The following KLHL1 variants were observed in gnomAD, a reference collection of about 807,000 sequenced individuals.
KLHL1 encodes the protein kelch like family member 1.
In KLHL1, 47 loss-of-function variants were observed where a neutral mutation model predicts 77.7. That is an observed-to-expected ratio of 0.60 (90% confidence interval 0.48 to 0.77). KLHL1 has a LOEUF of 0.77. KLHL1 is among the 30% of genes least tolerant of loss of function. The pLI, the probability that KLHL1 is intolerant of heterozygous loss-of-function variation, is 0.00. For synonymous variants in KLHL1, 360 were observed against 325.2 expected, an observed-to-expected ratio of 1.11 and a Z score of -1.15; for missense variants, 925 against 910.8, an observed-to-expected ratio of 1.02 and a Z score of -0.20.
At chr13:69,736,317 G>T (rs922635196) in intron 8 of KLHL1, among the ~76,000 whole-genome samples, 2 of 152,090 alleles carry the variant, frequency 1.3e-5, no homozygotes, top group Non-Finnish European at 2.9e-5. Flanking sequence ...TCAGGGAAAT[G>T]CAAATCAAAA....
rs77315739 is a variant in KLHL1, at chr13:70,093,857, A to G, written c.497+13346T>C. Among the ~76,000 whole-genome samples the G allele has an allele frequency of 1.2e-4, 19 of 152,284 alleles. No individual in the cohort carries two copies. In the East Asian group the frequency reaches 3.5e-3, roughly 28 times the overall value. Reference sequence around the variant, plus strand: ...AATTAGAACTGCAGTTTTACTGTGAACTGTCTTATTATACACTTTATCAAG... The same window carrying G: ...AATTAGAACTGCAGTTTTACTGTGAGCTGTCTTATTATACACTTTATCAAG... On this transcript the variant is annotated intron_variant, in intron 1 of 10. Coordinates refer to ENST00000377844, the MANE Select transcript of KLHL1 (RefSeq NM_020866.3).
chr13:70,091,286 T>C (rs534538755), intron 1 of KLHL1, among the ~76,000 whole-genome samples: 1 of 152,122 alleles, frequency 6.6e-6, no homozygotes, highest in Non-Finnish European at 1.5e-5. Flanking sequence ...CCCTTTCTTT[T>C]TATCTTTCTT....
intron 5 of KLHL1, among the ~76,000 whole-genome samples, chr13:69,855,349 C>CTAT (rs1566329701): frequency 0.028 from 2,460 of 87,730 alleles, 42 homozygotes; most frequent in Non-Finnish European, 0.032. Context: ...GATAGATAGA[C>CTAT]AGACAGATAG....
chr13:70,049,754 T>C (rs369349006), intron 1 of KLHL1, among the ~76,000 whole-genome samples: 1 of 152,134 alleles, frequency 6.6e-6, no homozygotes, highest in Non-Finnish European at 1.5e-5. Context: ...GAGGCCAAGA[T>C]AAACAATGCG....
chr13:70,017,648 G>A (rs1045706604), intron 1 of KLHL1, among the ~76,000 whole-genome samples: 2 of 152,206 alleles, frequency 1.3e-5, no homozygotes, highest in East Asian at 1.9e-4. Context: ...CAGCAGGTAT[G>A]AGCAATACTC....
intron 1 of KLHL1, among the ~76,000 whole-genome samples, chr13:70,068,117 G>A (rs545732251): frequency 7.9e-5 from 12 of 151,862 alleles, no homozygotes; most frequent in East Asian, 5.8e-4. Context: ...CGAGGCGGGC[G>A]GATCACGAGG....
At chr13:69,796,556 C>A (rs1877114788) in intron 7 of KLHL1, among the ~76,000 whole-genome samples, 182 bp downstream of exon 7, 1 of 152,090 alleles carries the variant, frequency 6.6e-6, no homozygotes, top group East Asian at 1.9e-4. Flanking sequence ...TCACTAAAGG[C>A]CTAATATTCC....
At chr13:69,857,350 T>C (rs1879959376) in intron 5 of KLHL1, among the ~76,000 whole-genome samples, 1 of 152,054 alleles carries the variant, frequency 6.6e-6, no homozygotes, top group Non-Finnish European at 1.5e-5. Flanking sequence ...TGCCTCCTAT[T>C]ATCTACCTAC....
chr13:69,880,563 C>A (rs1316886056), intron 5 of KLHL1, among the ~76,000 whole-genome samples: 1 of 152,012 alleles, frequency 6.6e-6, no homozygotes, highest in Non-Finnish European at 1.5e-5. Context: ...CAAGATAAAG[C>A]ACCTGAACCA....
rs566236948 is a variant in KLHL1 at position 69,955,443 on chromosome 13, C to T, written c.817+5865G>A. Among the ~76,000 whole-genome samples the T allele has an allele frequency of 9.9e-5, 15 of 151,366 alleles. No individual in the cohort carries two copies. In the South Asian group the frequency reaches 2.9e-3, roughly 29 times the overall value. ...GGTCTGCCATTTGGCAGTTTAATTTCCTAACCCTCTTCTTAATATCACTAC... is the reference window on the plus strand; with the variant it reads ...GGTCTGCCATTTGGCAGTTTAATTTTCTAACCCTCTTCTTAATATCACTAC... On this transcript the variant is annotated intron_variant, in intron 3 of 10. Coordinates refer to ENST00000377844, the MANE Select transcript of KLHL1 (RefSeq NM_020866.3).
intron 7 of KLHL1, among the ~76,000 whole-genome samples, chr13:69,787,401 C>A (rs1876612904): frequency 6.6e-6 from 1 of 152,148 alleles, no homozygotes; most frequent in Admixed American, 6.5e-5. Context: ...CAAAAACAAG[C>A]AATGGGGAAA....
chr13:69,879,108 T>C (rs535267023), intron 5 of KLHL1, among the ~76,000 whole-genome samples: 116 of 152,080 alleles, frequency 7.6e-4, no homozygotes, highest in African/African-American at 2.6e-3. Context: ...TCGTAGGAGA[T>C]ACGAGTTGAT....
chr13:69,981,785 C>T (rs1319461583), intron 1 of KLHL1, among the ~76,000 whole-genome samples: 1 of 150,028 alleles, frequency 6.7e-6, no homozygotes, highest in African/African-American at 2.5e-5. Context: ...TCAAAAAGTG[C>T]CCAAAATAAA....
intron 1 of KLHL1, among the ~76,000 whole-genome samples, chr13:69,988,909 T>C (rs1390556134): frequency 1.3e-5 from 2 of 152,122 alleles, no homozygotes; most frequent in Non-Finnish European, 2.9e-5. Context: ...TCCAATTCTG[T>C]AGGTTGTCTG....
At chr13:70,102,572 T>G (rs564215762) in intron 1 of KLHL1, among the ~76,000 whole-genome samples, 6 of 152,304 alleles carry the variant, frequency 3.9e-5, no homozygotes, top group African/African-American at 1.4e-4. Flanking sequence ...TCTGTTTGTT[T>G]GTCTAAGCAT....
rs1404798443 is a variant in KLHL1, at chr13:69,778,051, A to T, written c.1639+18687T>A. Among the ~76,000 whole-genome samples the T allele has an allele frequency of 2.0e-5, 3 of 152,068 alleles. No homozygotes were observed. In the East Asian group the frequency reaches 5.8e-4, roughly 29 times the overall value. The stretch of plus-strand genomic sequence containing the variant: ...TTAAGATAATTATAAAAATGTATAA[A>T]ATAGAGATGGATATATCTGATTAAA... On this transcript the variant is annotated intron_variant, in intron 7 of 10. Coordinates refer to ENST00000377844, the MANE Select transcript of KLHL1 (RefSeq NM_020866.3).
intron 1 of KLHL1, among the ~76,000 whole-genome samples, chr13:69,978,638 C>A (rs1304627994): frequency 3.3e-5 from 5 of 151,862 alleles, no homozygotes; most frequent in South Asian, 2.1e-4. Context: ...AGGCATGCAC[C>A]ACCATGCCCG....
chr13:69,977,550 G>A (rs1319791662), intron 1 of KLHL1, among the ~76,000 whole-genome samples: 2 of 152,118 alleles, frequency 1.3e-5, no homozygotes, highest in Non-Finnish European at 2.9e-5. Context: ...CTTAAAAGTA[G>A]AGGGGAGAAA....
intron 1 of KLHL1, among the ~76,000 whole-genome samples, chr13:70,095,296 T>C (rs1441046983): frequency 6.6e-6 from 1 of 152,124 alleles, no homozygotes; most frequent in Non-Finnish European, 1.5e-5. Flanking sequence ...AATATAATGA[T>C]ATGCAAGAAA....
Sources: allele counts gnomAD v4.1 joint callset (sites outside exome capture counted in the v4.1 genomes callset), GRCh38; gene constraint gnomAD v4.1.1; transcripts MANE v1.5; gene names NCBI Gene and HGNC (gene_info 2026-07-23, HGNC 2026-07-21).